Variants in ITGB3BP observed in about 807,000 individuals in gnomAD.
ITGB3BP encodes the protein centromere protein R.
In ITGB3BP, 27 loss-of-function variants were observed where a neutral mutation model predicts 29.1. The observed-to-expected ratio is 0.93, with a 90% CI of 0.68 to 1.28. ITGB3BP has a LOEUF of 1.28. Ranked by LOEUF, ITGB3BP falls within the 50% of genes most tolerant of loss-of-function variation. The pLI, the probability that ITGB3BP is intolerant of heterozygous loss-of-function variation, is 0.00. For synonymous variants in ITGB3BP, 61 were observed against 61.4 expected, an observed-to-expected ratio of 0.99 and a Z score of 0.03; for missense variants, 192 against 200.2, an observed-to-expected ratio of 0.96 and a Z score of 0.25.
intron 2 of ITGB3BP, among the ~76,000 whole-genome samples, chr1:63,493,086 A>ACGTGCGCG (rs772254640): frequency 7.4e-6 from 1 of 134,490 alleles, no homozygotes; most frequent in Non-Finnish European, 1.6e-5. Context: ...ACACACACAC[A>ACGTGCGCG]CACGCGCGCG....
At chr1:63,517,189 A>T (rs951498033) in intron 1 of ITGB3BP, among the ~76,000 whole-genome samples, 1 of 151,962 alleles carries the variant, frequency 6.6e-6, no homozygotes, top group Non-Finnish European at 1.5e-5. Context: ...ATAAAAAAAG[A>T]GCAAAACTTA....
At position 63,447,766 on chromosome 1, in the gene ITGB3BP, T is replaced by C. The variant is rs529970701; in HGVS notation, c.485-910A>G. 6.8e-5 allele frequency: 26 copies of C among 381,350 alleles called. No homozygotes were observed. The East Asian group carries it at 1.7e-3, about 25-fold the overall frequency. 23.6% of individuals were successfully genotyped at this position (381,350 alleles called of 1,614,324 possible). On this transcript the variant is annotated intron_variant, in intron 7 of 8. Transcript: ENST00000271002. The stretch of plus-strand genomic sequence containing the variant: ...CTAGTTCAACCATTGTGGAAGTCAG[T>C]GTGGCGATTCCTCAGGGATCTAGAA...
At chr1:63,516,775 T>C (rs910056288) in intron 1 of ITGB3BP, among the ~76,000 whole-genome samples, 2 of 150,958 alleles carry the variant, frequency 1.3e-5, no homozygotes, top group Non-Finnish European at 3.0e-5. Context: ...TCTCATCTAT[T>C]AGTGGGAGCT....
rs750774625 is a variant in ITGB3BP, at chr1:63,446,880, T to A, written c.485-24A>T. 3.6e-5 allele frequency: 56 copies of A among 1,570,136 alleles called. 1 individual carries two copies. The South Asian group carries it at 4.2e-4, about 12-fold the overall frequency. ...TGCTATATGAAAGAAGAAAGGTTTT[T>A]TTTTTCAGAAAACAATTCAAAGCAA... On this transcript the variant is annotated intron_variant, in intron 7 of 8. Transcript: ENST00000271002.
rs201120199 is a variant in ITGB3BP at position 63,469,331 on chromosome 1, T to TA, written c.254+9432_254+9433insT. Among the ~76,000 whole-genome samples, 141 of 142,764 alleles carry TA rather than the reference T, an allele frequency of 9.9e-4. 1 individual carries two copies. The highest frequency in any genetic ancestry group is 2.7e-3 in the African/African-American group (92 of 34,452). 93.7% of individuals were successfully genotyped at this position (142,764 alleles called of 152,430 possible). On this transcript the variant is annotated intron_variant, in intron 4 of 8. Transcript: ENST00000271002. ...GACCATAAATTATTATTATTATTAT[T>TA]TTTTTTTTTTTTGAGACAGAGTCTT...
chr1:63,472,833 A>G (rs1258187773), intron 4 of ITGB3BP, among the ~76,000 whole-genome samples: 1 of 148,846 alleles, frequency 6.7e-6, no homozygotes, highest in Non-Finnish European at 1.5e-5. Flanking sequence ...TACAACCTCC[A>G]CCTCCCAGCC....
At position 63,517,055 on chromosome 1, in the gene ITGB3BP, G is replaced by A. The variant is rs146153587; in HGVS notation, c.5+6074C>T. On this transcript the variant is annotated intron_variant, in intron 1 of 8. Transcript: ENST00000271002. ...ACTCAAAAAAAGAAAGTACAAAGAA[G>A]GAAAATTAGATTACATGAAAAATGA... Among the ~76,000 whole-genome samples the A allele has an allele frequency of 6.8e-3, 1,025 of 151,246 alleles. 6 individuals are homozygous for A. The highest frequency in any genetic ancestry group is 7.7e-3 in the Non-Finnish European group (525 of 67,754).
intron 2 of ITGB3BP, among the ~76,000 whole-genome samples, chr1:63,494,930 G>C (rs1258373384): frequency 6.6e-6 from 1 of 152,088 alleles, no homozygotes; most frequent in Non-Finnish European, 1.5e-5. Flanking sequence ...ACCCACCTGA[G>C]TAGCTGAGGC....
chr1:63,448,100 G>A (rs1244839703), intron 7 of ITGB3BP, among the ~76,000 whole-genome samples: 9 of 144,962 alleles, frequency 6.2e-5, no homozygotes, highest in African/African-American at 2.3e-4. Context: ...AACACCGCAT[G>A]TTCTCACTCA....
chr1:63,465,526 G>A (rs1645084920), intron 4 of ITGB3BP, among the ~76,000 whole-genome samples: 1 of 151,174 alleles, frequency 6.6e-6, no homozygotes, highest in Non-Finnish European at 1.5e-5. Context: ...CTCAGTAGTG[G>A]GACTACAAGC....
intron 3 of ITGB3BP, among the ~76,000 whole-genome samples, chr1:63,479,042 T>C (rs1053615667): frequency 1.3e-5 from 2 of 152,052 alleles, no homozygotes; most frequent in African/African-American, 4.8e-5. Context: ...AAATAATCTT[T>C]TGAATAAAAT....
intron 4 of ITGB3BP, among the ~76,000 whole-genome samples, chr1:63,468,463 C>A (rs1645137496): frequency 6.6e-6 from 1 of 152,248 alleles, no homozygotes. Flanking sequence ...CACGGTGGCT[C>A]ACGCCTGTAA....
chr1:63,491,276 T>C (rs899693564), intron 2 of ITGB3BP, among the ~76,000 whole-genome samples: 2 of 152,142 alleles, frequency 1.3e-5, no homozygotes, highest in African/African-American at 4.8e-5. Context: ...TACTAATGTG[T>C]ACAAAGAAAT....
At chr1:63,516,887 G>A (rs1016659042) in intron 1 of ITGB3BP, among the ~76,000 whole-genome samples, 7 of 151,920 alleles carry the variant, frequency 4.6e-5, no homozygotes, top group Middle Eastern at 3.2e-3. Flanking sequence ...ATTATCTTTC[G>A]GGTACAATGT....
upstream of ITGB3BP, among the ~76,000 whole-genome samples, chr1:63,527,424 A>G (rs756321298): frequency 7.1e-4 from 73 of 102,352 alleles, no homozygotes; most frequent in Non-Finnish European, 6.6e-4. Flanking sequence ...CCTTTCATCT[A>G]TATCCTTCTG....
At chr1:63,463,139 T>C (rs1645043680) in intron 4 of ITGB3BP, among the ~76,000 whole-genome samples, 1 of 148,956 alleles carries the variant, frequency 6.7e-6, no homozygotes. Flanking sequence ...ATCCCAGCTA[T>C]CTGGGAGGCT....
chr1:63,501,119 T>C (rs1363059649), intron 2 of ITGB3BP, among the ~76,000 whole-genome samples: 1 of 152,190 alleles, frequency 6.6e-6, no homozygotes, highest in African/African-American at 2.4e-5. Flanking sequence ...TGTGGATATC[T>C]GTTTCAGTAA....
intron 4 of ITGB3BP, among the ~76,000 whole-genome samples, chr1:63,461,083 CAAAAAAA>C (rs35518465): frequency 6.1e-5 from 6 of 97,588 alleles, no homozygotes; most frequent in Non-Finnish European, 1.2e-4. Flanking sequence ...ACTAAAACTA[CAAAAAAA>C]AAAAAAAAAA....
chr1:63,453,503 A>G (rs916851408), intron 7 of ITGB3BP: 1 of 159,416 alleles, frequency 6.3e-6, no homozygotes, highest in African/African-American at 2.4e-5. Context: ...ATAGTAGAAC[A>G]AAGCATATTA....
Sources: gnomAD v4.1 joint callset for allele counts (sites outside exome capture counted in the v4.1 genomes callset) on GRCh38, gnomAD v4.1.1 for gene constraint, MANE v1.5 for transcripts, NCBI Gene and HGNC (gene_info 2026-07-23, HGNC 2026-07-21) for gene names.